The following SEC23A variants were observed in gnomAD, a reference collection of about 807,000 sequenced individuals.
The protein encoded by SEC23A is SEC23 homolog A, COPII component.
A neutral mutation model predicts 103.7 loss-of-function variants in SEC23A; 56 were observed. The ratio of observed to expected loss-of-function variants is 0.54; its 90% CI spans 0.44 to 0.67. The LOEUF is 0.67. Ranked by LOEUF, SEC23A falls within the 30% of genes least tolerant of loss-of-function variation. The pLI is 0.00. For missense variants in SEC23A, 784 were observed against 936.4 expected (o/e 0.84, Z 2.12); for synonymous variants, 281 against 293.0 (o/e 0.96, Z 0.42).
At chr14:39,064,795 G>T in intron 11 of SEC23A, 118 bp downstream of exon 11, 1 of 790,572 alleles carries the variant, frequency 1.3e-6, no homozygotes, top group Non-Finnish European at 2.3e-6. Context: ...GCCTGAGCTG[G>T]TCTCTAACTC....
At position 39,059,278 on chromosome 14, in the gene SEC23A, TAAAAAAAAAAAAA is replaced by T. The variant is rs750853379; in HGVS notation, c.1505+2474_1505+2486del. On this transcript the variant is annotated intron_variant, in intron 13 of 19. Coordinates refer to ENST00000307712, the MANE Select transcript of SEC23A (RefSeq NM_006364.4). The stretch of plus-strand genomic sequence containing the variant: ...GGCCCCTAAAGTCATAGTCCTAGTT[TAAAAAAAAAAAAA>T]AAAAAAAAAAAAAAAAAAACAACAA... Among the ~76,000 whole-genome samples the T allele has an allele frequency of 4.4e-3, 313 of 71,856 alleles. 6 individuals carry two copies. The highest frequency in any genetic ancestry group is 0.014 in the African/African-American group (264 of 19,522). The allele number at this position is 71,856 out of a possible 152,430, so 47.1% of individuals were successfully genotyped here.
In SEC23A at chr14:39,033,232, T is replaced by C. The variant is rs778839883; in HGVS notation, c.*7A>G. 2 of 1,585,272 alleles carry C rather than the reference T, an allele frequency of 1.3e-6. No individual in the cohort carries two copies. The highest frequency in any genetic ancestry group is 2.2e-5 in the South Asian group (2 of 90,434). On this transcript the variant is annotated 3_prime_UTR_variant, in exon 20 of 20. Coordinates refer to ENST00000307712, the MANE Select transcript of SEC23A (RefSeq NM_006364.4). Reference sequence around the variant, plus strand: ...TCTTCTTAAGTGTCTTTAACATTATTAGCACTTCAAGCAGCACTGGACACA... The same window carrying C: ...TCTTCTTAAGTGTCTTTAACATTATCAGCACTTCAAGCAGCACTGGACACA...
intron 9 of SEC23A, among the ~76,000 whole-genome samples, chr14:39,070,608 A>G (rs186632644): frequency 2.0e-4 from 30 of 152,394 alleles, no homozygotes; most frequent in Non-Finnish European, 3.7e-4. Flanking sequence ...CAAAAGTCAC[A>G]TGATCATATC....
In SEC23A at chr14:39,074,519, T is replaced by C. The variant is rs761300555; in HGVS notation, c.999A>G (p.Ala333=). 2 of 1,596,328 alleles carry C rather than the reference T, an allele frequency of 1.3e-6. No individual in the cohort carries two copies. Among genetic ancestry groups the C allele is most frequent in the Non-Finnish European group, 1.7e-6 (2 of 1,164,980 alleles). ...CAGTTGTAGCAGCTCGATTAGCCAA[T>C]GCTTCAAAATGCTACAAAAGATTTT... The part of the protein sequence containing the change: ...YVKKGTKHFE[A]LANRAATTGH... Residue 333 remains alanine, a synonymous_variant, in exon 9 of 20, where the codon GCA becomes GCG. Transcript: ENST00000307712.
At chr14:39,052,268 CA>C (rs1156704733) in intron 14 of SEC23A, among the ~76,000 whole-genome samples, 1 of 150,564 alleles carries the variant, frequency 6.6e-6, no homozygotes, top group African/African-American at 2.5e-5. Context: ...TTTACCTATA[CA>C]AAAAACCTGC....
chr14:39,036,320 CAAAAAAAAAA>C (rs59018206), intron 19 of SEC23A, among the ~76,000 whole-genome samples: 9 of 69,900 alleles, frequency 1.3e-4, no homozygotes, highest in African/African-American at 4.2e-4. Flanking sequence ...GACTCCGTCT[CAAAAAAAAAA>C]AAAAAAAAAA....
Position 39,095,883 on chromosome 14 carries a change from A to G in SEC23A, c.221+15T>C, listed in dbSNP as rs1887868568. On this transcript the variant is annotated intron_variant, in intron 2 of 19. Transcript: ENST00000307712. ...ATCACATTGCCACATTAGTTTTTCT[A>G]TATATTTTACTTACCATAAAGGATT... 1 of 1,546,248 alleles carries G rather than the reference A, an allele frequency of 6.5e-7. No homozygotes were observed. Among genetic ancestry groups the G allele is most frequent in the South Asian group, 1.1e-5 (1 of 89,554 alleles).
intron 7 of SEC23A, among the ~76,000 whole-genome samples, chr14:39,080,501 G>A (rs923417834): frequency 1.7e-4 from 26 of 152,148 alleles, no homozygotes; most frequent in Middle Eastern, 3.2e-3. Context: ...CTGTCCACGG[G>A]TTCAAGCAAT....
rs147777414 is a variant in SEC23A at position 39,058,839 on chromosome 14, A to G, written c.1505+2926T>C. On this transcript the variant is annotated intron_variant, in intron 13 of 19. Coordinates refer to ENST00000307712, the MANE Select transcript of SEC23A (RefSeq NM_006364.4). The stretch of plus-strand genomic sequence containing the variant: ...TGTTTTATTAATTATTTTAGTTTTA[A>G]TTTTAAAAATCAAAGAATTTAAAAC... Among the ~76,000 whole-genome samples the G allele has an allele frequency of 7.9e-5, 12 of 152,320 alleles. No homozygotes were observed. In the East Asian group the frequency reaches 2.3e-3, roughly 29 times the overall value.
intron 6 of SEC23A, among the ~76,000 whole-genome samples, chr14:39,086,620 A>T (rs1197325881): frequency 6.6e-6 from 1 of 152,126 alleles, no homozygotes. Flanking sequence ...AGCTACCTCT[A>T]AAGCTAAGAA....
intron 5 of SEC23A, among the ~76,000 whole-genome samples, chr14:39,087,355 T>G (rs1887479059): frequency 6.6e-6 from 1 of 152,220 alleles, no homozygotes; most frequent in South Asian, 2.1e-4. Context: ...GCAAACTATA[T>G]CATAAGCACC....
In SEC23A at chr14:39,091,007, C is replaced by T. The variant is rs57740688; in HGVS notation, c.603+470G>A. On this transcript the variant is annotated intron_variant, in intron 5 of 19. Coordinates refer to ENST00000307712, the MANE Select transcript of SEC23A (RefSeq NM_006364.4). The stretch of plus-strand genomic sequence containing the variant: ...CCTGCAGAAGGTCCTGCCCCCACCA[C>T]CACTGCTGCCCCAGCTGAGGAAAAG... 5.3e-3 allele frequency: 1,966 copies of T among 373,978 alleles called. 34 individuals are homozygous for T. The highest frequency in any genetic ancestry group is 0.039 in the African/African-American group (1,765 of 45,516). The allele number at this position is 373,978 out of a possible 1,614,324, so 23.2% of individuals were successfully genotyped here.
rs1254426014 is a variant in SEC23A at position 39,084,535 on chromosome 14, T to A, written c.828+1227A>T. Among the ~76,000 whole-genome samples, 4 of 152,302 alleles carry A rather than the reference T, an allele frequency of 2.6e-5. No homozygotes were observed. The South Asian group carries it at 8.3e-4, about 32-fold the overall frequency. On this transcript the variant is annotated intron_variant, in intron 7 of 19. Coordinates refer to ENST00000307712, the MANE Select transcript of SEC23A (RefSeq NM_006364.4). Reference sequence around the variant, plus strand: ...ATCATACACCCACTGTCCTATAACCTGATTTTTTTTCACTCAATATTATCT... The same window carrying A: ...ATCATACACCCACTGTCCTATAACCAGATTTTTTTTCACTCAATATTATCT...
intron 16 of SEC23A, among the ~76,000 whole-genome samples, chr14:39,043,134 G>A (rs1482574971): frequency 6.6e-6 from 1 of 151,946 alleles, no homozygotes; most frequent in Non-Finnish European, 1.5e-5. Context: ...GTAACACCAT[G>A]TCCAGCTAGT....
chr14:39,056,407 A>T (rs1886250914), intron 13 of SEC23A, among the ~76,000 whole-genome samples: 1 of 152,062 alleles, frequency 6.6e-6, no homozygotes, highest in African/African-American at 2.4e-5. Flanking sequence ...TGCTGGAATA[A>T]CAGGCGTGAG....
At chr14:39,092,805 T>C in intron 3 of SEC23A, 178 bp from the exon 4 acceptor site, 1 of 578,662 alleles carries the variant, frequency 1.7e-6, no homozygotes. Flanking sequence ...ACTAGTATTT[T>C]GGCATTAACA....
In SEC23A at chr14:39,067,123, A is replaced by G. The variant is rs375704861; in HGVS notation, c.1227+50T>C. On this transcript the variant is annotated intron_variant, in intron 10 of 19. Transcript: ENST00000307712. ...GCATTTTAGAATTACACTCAAGCCT[A>G]TAAGTTGTCTTTTGATAACATATCG... The G allele has an allele frequency of 2.4e-5, 39 of 1,606,454 alleles. No individual in the cohort carries two copies. The African/African-American group carries it at 3.9e-4, about 16-fold the overall frequency.
intron 2 of SEC23A, chr14:39,095,038 C>G (rs547712581): frequency 4.3e-6 from 3 of 695,774 alleles, no homozygotes; most frequent in Non-Finnish European, 5.2e-6. Flanking sequence ...AGAATAGAAA[C>G]AGGGAGAGCA....
chr14:39,100,469 A>G (rs1397301829), intron 1 of SEC23A, among the ~76,000 whole-genome samples: 1 of 151,340 alleles, frequency 6.6e-6, no homozygotes, highest in African/African-American at 2.4e-5. Flanking sequence ...CTGGAGTGCA[A>G]TGGCGTGATC....
Sources: allele counts gnomAD v4.1 joint callset (sites outside exome capture counted in the v4.1 genomes callset), GRCh38; gene constraint gnomAD v4.1.1; transcripts MANE v1.5; gene names NCBI Gene and HGNC (gene_info 2026-07-23, HGNC 2026-07-21).